Variants in SEL1L observed in about 807,000 individuals in gnomAD.
The protein encoded by SEL1L is SEL1L adaptor subunit of SYVN1 ubiquitin ligase.
Under a neutral mutation model 109.8 loss-of-function variants are expected in SEL1L, and 52 were observed. The observed-to-expected ratio is 0.47, with a 90% CI of 0.38 to 0.60. SEL1L has a LOEUF of 0.60. SEL1L is among the 20% of genes least tolerant of loss of function. The pLI is 0.00. For synonymous variants in SEL1L, 373 were observed against 339.6 expected (o/e 1.10, Z -1.08); for missense variants, 749 against 962.2 (o/e 0.78, Z 2.93).
chr14:81,476,888 G>C lies in SEL1L; in HGVS notation c.*84C>G. 3 of 1,408,070 alleles carry C rather than the reference G, an allele frequency of 2.1e-6. No individual in the cohort carries two copies. The highest frequency in any genetic ancestry group is 2.9e-6 in the Non-Finnish European group (3 of 1,023,410). The allele number at this position is 1,408,070 out of a possible 1,614,324, so 87.2% of individuals were successfully genotyped here. ...GTGCCTCTTCTGGGAGGTGACCACT[G>C]ATCCAAGGTCCTAAATCAAATGCAA... On this transcript the variant is annotated 3_prime_UTR_variant, in exon 21 of 21. Coordinates refer to ENST00000336735, the MANE Select transcript of SEL1L (RefSeq NM_005065.6).
chr14:81,493,454 G>A (rs1235388080), intron 11 of SEL1L, among the ~76,000 whole-genome samples: 1 of 152,064 alleles, frequency 6.6e-6, no homozygotes, highest in East Asian at 1.9e-4. Context: ...AGGTTGCAGT[G>A]AGCCGAGACT....
intron 13 of SEL1L, 127 bp downstream of exon 13, chr14:81,490,261 A>C: frequency 1.5e-6 from 1 of 666,408 alleles, no homozygotes; most frequent in African/African-American, 1.9e-5. Context: ...CATGAATCAT[A>C]CTTAATATGC....
intron 5 of SEL1L, among the ~76,000 whole-genome samples, chr14:81,503,814 T>C (rs1414792464): frequency 1.3e-5 from 2 of 152,322 alleles, no homozygotes; most frequent in South Asian, 4.1e-4. Flanking sequence ...CTTGTTCTGT[T>C]TTTTCCAAGC....
At chr14:81,515,873 G>A (rs960411986) in intron 3 of SEL1L, among the ~76,000 whole-genome samples, 1 of 152,094 alleles carries the variant, frequency 6.6e-6, no homozygotes, top group Non-Finnish European at 1.5e-5. Context: ...GGACCAAGAG[G>A]AACAGGCCAA....
intron 1 of SEL1L, among the ~76,000 whole-genome samples, chr14:81,531,399 G>T (rs1462511234): frequency 6.6e-6 from 1 of 151,994 alleles, no homozygotes; most frequent in Non-Finnish European, 1.5e-5. Flanking sequence ...ACCTGCCCTG[G>T]GTAACCACTA....
intron 18 of SEL1L, among the ~76,000 whole-genome samples, chr14:81,485,040 AAAAAG>A (rs1903476998): frequency 6.6e-6 from 1 of 152,224 alleles, no homozygotes; most frequent in Non-Finnish European, 1.5e-5. Context: ...TATTCAAAAG[AAAAAG>A]AAAAGTCTCT....
chr14:81,474,631 C>G lies in SEL1L; in HGVS notation c.*2341G>C, dbSNP rs1903103864. The G allele has an allele frequency of 6.6e-6, 1 of 152,120 alleles. No homozygotes were observed. 9.4% of individuals were successfully genotyped at this position (152,120 alleles called of 1,614,324 possible). On this transcript the variant is annotated 3_prime_UTR_variant, in exon 21 of 21. Coordinates refer to ENST00000336735, the MANE Select transcript of SEL1L (RefSeq NM_005065.6). ...AACCCAACTCCTATTTGCTTAGGTACCATGTCCCATGAACAAAAAAGAAGA... is the reference window on the plus strand; with the variant it reads ...AACCCAACTCCTATTTGCTTAGGTAGCATGTCCCATGAACAAAAAAGAAGA...
chr14:81,489,290 G>T lies in SEL1L; in HGVS notation c.1357C>A (p.Leu453Ile). 1 of 1,614,116 alleles carries T rather than the reference G, an allele frequency of 6.2e-7. No homozygotes were observed. The highest frequency in any genetic ancestry group is 8.5e-7 in the Non-Finnish European group (1 of 1,179,974). Residue 453 changes from leucine to isoleucine, a missense_variant, in exon 14 of 21, where the codon CTT becomes ATT. Leu to Ile is a conservative substitution (Grantham distance 5). This residue lies in a region of SEL1L where 383 missense variants were observed against 562.5 expected (regional missense o/e 0.68). Transcript: ENST00000336735. ...DMGNPVGQSG[L>I]GMAYLYGRGV... ...CTCCCATAGAGGTAGGCCATTCCAA[G>T]CCCACTCTGTCCAACTGGGTTGCCC...
intron 20 of SEL1L, chr14:81,479,138 T>C (rs1244891699): frequency 6.6e-6 from 1 of 152,238 alleles, no homozygotes; most frequent in African/African-American, 2.4e-5. Flanking sequence ...TTTAAATAAT[T>C]CACGCTATTT....
In SEL1L at chr14:81,533,823, C is replaced by T. The variant is rs1885435855; in HGVS notation, c.-79G>A. The T allele has an allele frequency of 1.5e-6, 2 of 1,366,888 alleles. No individual in the cohort carries two copies. Among genetic ancestry groups the T allele is most frequent in the Non-Finnish European group, 2.0e-6 (2 of 975,654 alleles). The allele number at this position is 1,366,888 out of a possible 1,614,324, so 84.7% of individuals were successfully genotyped here. ...CCACGGACTCAGCCACCACCGCCGC[C>T]TCGCCGCTGCTCTTCCTGCTCTAGT... On this transcript the variant is annotated 5_prime_UTR_variant, in exon 1 of 21. Coordinates refer to ENST00000336735, the MANE Select transcript of SEL1L (RefSeq NM_005065.6).
At chr14:81,490,493 G>A in intron 12 of SEL1L, 28 bp from the exon 13 acceptor site, 1 of 1,524,840 alleles carries the variant, frequency 6.6e-7, no homozygotes, top group Non-Finnish European at 9.1e-7. Flanking sequence ...ATTTCAGTAA[G>A]AGCTGTAACC....
rs538293182 is a variant in SEL1L, at chr14:81,502,818, T to C, written c.680A>G (p.Tyr227Cys). 6 of 1,614,126 alleles carry C rather than the reference T, an allele frequency of 3.7e-6. No individual in the cohort carries two copies. Among genetic ancestry groups the C allele is most frequent in the African/African-American group, 2.7e-5 (2 of 75,046 alleles). The change falls in exon 6 of 21, where the codon TAT becomes TGT. Residue 227 changes from tyrosine to cysteine, a missense_variant. By Grantham distance (194) the Tyr-to-Cys change is radical (BLOSUM62 -2). Around this residue, in one of 2 missense-constraint regions of SEL1L, gnomAD observed 366 missense variants for 399.8 expected, o/e 0.92. Coordinates refer to ENST00000336735, the MANE Select transcript of SEL1L (RefSeq NM_005065.6). ...NHTKALERVSYALLFGDYLPQ... is the reference protein window; with the variant it reads ...NHTKALERVSCALLFGDYLPQ... ...CAAGTAATCACCAAATAAAAGAGCA[T>C]ATGACACTCTCTCCAGGGCTTTGGT...
intron 3 of SEL1L, among the ~76,000 whole-genome samples, chr14:81,513,905 G>A (rs115906875): frequency 0.016 from 2,397 of 152,270 alleles, 78 homozygotes; most frequent in African/African-American, 0.055. Context: ...GGCCATGAGC[G>A]GAACTCTCGA....
chr14:81,484,426 C>T lies in SEL1L; in HGVS notation c.1874-29G>A, dbSNP rs1488596352. ...AAACAAAAGTTAAATGCAGAACTGC[C>T]AATAAATAAAGTATGTTTAAAACAG... On this transcript the variant is annotated intron_variant, in intron 18 of 20. Coordinates refer to ENST00000336735, the MANE Select transcript of SEL1L (RefSeq NM_005065.6). 1.9e-6 allele frequency: 3 copies of T among 1,583,810 alleles called. No individual in the cohort carries two copies. The African/African-American group carries it at 4.0e-5, about 21-fold the overall frequency.
chr14:81,501,175 G>T (rs1566976911), intron 6 of SEL1L, among the ~76,000 whole-genome samples: 1 of 152,184 alleles, frequency 6.6e-6, no homozygotes. Context: ...CCATGACCAG[G>T]AGTCACTACT....
rs1903043748 is a variant in SEL1L at position 81,472,620 on chromosome 14, A to C, written c.*4352T>G. ...TGCATAAACAAACTTTAGATAAATAATATTATAATCAGGCTAAAGTGAATC... is the reference window on the plus strand; with the variant it reads ...TGCATAAACAAACTTTAGATAAATACTATTATAATCAGGCTAAAGTGAATC... On this transcript the variant is annotated 3_prime_UTR_variant, in exon 21 of 21. Coordinates refer to ENST00000336735, the MANE Select transcript of SEL1L (RefSeq NM_005065.6). 1 of 452,136 alleles carries C rather than the reference A, an allele frequency of 2.2e-6. No homozygotes were observed. The highest frequency in any genetic ancestry group is 4.4e-6 in the Non-Finnish European group (1 of 226,676). 28.0% of individuals were successfully genotyped at this position (452,136 alleles called of 1,614,324 possible).
At chr14:81,488,975 G>A (rs934367553) in intron 14 of SEL1L, 4 of 439,030 alleles carry the variant, frequency 9.1e-6, no homozygotes, top group Non-Finnish European at 1.2e-5. Flanking sequence ...CTGAGAGATG[G>A]TTAGAGGACG....
At chr14:81,517,548 A>G (rs1476851355) in intron 3 of SEL1L, among the ~76,000 whole-genome samples, 1 of 151,998 alleles carries the variant, frequency 6.6e-6, no homozygotes, top group East Asian at 1.9e-4. Flanking sequence ...CCCTTCCTCC[A>G]CTGCATTCCA....
At chr14:81,493,650 C>T (rs1006613658) in intron 11 of SEL1L, among the ~76,000 whole-genome samples, 19 of 152,202 alleles carry the variant, frequency 1.2e-4, no homozygotes, top group African/African-American at 3.9e-4. Flanking sequence ...CCAAGCTTCT[C>T]GAATAAATTG....
Sources: gnomAD v4.1 joint callset for allele counts (sites outside exome capture counted in the v4.1 genomes callset) on GRCh38, gnomAD v4.1.1 for gene constraint, gnomAD v4.1.1 regional missense constraint, MANE v1.5 for transcripts, NCBI Gene and HGNC (gene_info 2026-07-23, HGNC 2026-07-21) for gene names.